The following CSGALNACT2 variants were observed in gnomAD, a reference collection of about 807,000 sequenced individuals.
CSGALNACT2 encodes the protein beta 4 GalNAcT-2.
CSGALNACT2 carries 35 observed loss-of-function variants against 55.3 expected under a neutral mutation model. The observed-to-expected ratio is 0.63, with a 90% confidence interval of 0.48 to 0.84. CSGALNACT2 has a LOEUF of 0.84. Among genes scored for constraint, CSGALNACT2 ranks in the 40% least tolerant of loss-of-function variants. CSGALNACT2 has a pLI of 0.00. For synonymous variants in CSGALNACT2, 196 were observed against 224.9 expected (o/e 0.87, Z 1.15); for missense variants, 544 against 657.5 (o/e 0.83, Z 1.89).
At chr10:43,163,535 G>A in intron 4 of CSGALNACT2, 2 of 985,434 alleles carry the variant, frequency 2.0e-6, no homozygotes, top group Non-Finnish European at 2.4e-6. Flanking sequence ...TATCCATTTA[G>A]AATGCATTAT....
chr10:43,167,180 C>A, intron 6 of CSGALNACT2, 82 bp downstream of exon 6: 4 of 859,496 alleles, frequency 4.7e-6, no homozygotes, highest in Non-Finnish European at 5.7e-6. Context: ...AACAAAGTTT[C>A]AATAAAAAAC....
intron 1 of CSGALNACT2, among the ~76,000 whole-genome samples, chr10:43,144,527 T>C (rs1838700619): frequency 6.6e-6 from 1 of 151,032 alleles, no homozygotes; most frequent in Admixed American, 6.6e-5. Context: ...AAATTCATAA[T>C]CAACAAATCT....
chr10:43,171,641 G>A (rs1196880318), intron 6 of CSGALNACT2, among the ~76,000 whole-genome samples: 1 of 152,148 alleles, frequency 6.6e-6, no homozygotes, highest in African/African-American at 2.4e-5. Context: ...ATGAGCCACC[G>A]CACCCGGCCA....
At chr10:43,142,268 G>A (rs1231533610) in intron 1 of CSGALNACT2, among the ~76,000 whole-genome samples, 1 of 151,924 alleles carries the variant, frequency 6.6e-6, no homozygotes, top group Non-Finnish European at 1.5e-5. Context: ...CTGGAGTGCA[G>A]TGGCGTGATC....
intron 7 of CSGALNACT2, 107 bp downstream of exon 7, chr10:43,176,139 C>T: frequency 1.3e-6 from 1 of 749,030 alleles, no homozygotes; most frequent in Non-Finnish European, 2.1e-6. Flanking sequence ...GTATGAGTGT[C>T]TAAGGTTAGC....
intron 6 of CSGALNACT2, among the ~76,000 whole-genome samples, chr10:43,175,708 A>G (rs776058108): frequency 1.3e-5 from 2 of 152,212 alleles, no homozygotes; most frequent in African/African-American, 2.4e-5. Flanking sequence ...CTAGAATGTA[A>G]GCCCCTTGAA....
At chr10:43,148,807 C>T (rs1238458459) in intron 1 of CSGALNACT2, among the ~76,000 whole-genome samples, 2 of 152,156 alleles carry the variant, frequency 1.3e-5, no homozygotes, top group Non-Finnish European at 2.9e-5. Context: ...TTTCTGCATA[C>T]AGATCATATC....
intron 1 of CSGALNACT2, among the ~76,000 whole-genome samples, chr10:43,153,023 C>G (rs1487052093): frequency 6.6e-6 from 1 of 152,024 alleles, no homozygotes; most frequent in African/African-American, 2.4e-5. Context: ...CTACATCACT[C>G]AAACAAGATT....
intron 1 of CSGALNACT2, among the ~76,000 whole-genome samples, chr10:43,151,915 GTTGT>G (rs1323176894): frequency 3.3e-5 from 5 of 152,316 alleles, no homozygotes; most frequent in South Asian, 4.1e-4. Context: ...GGCAGGAAAA[GTTGT>G]TTGTTTGTTT....
At chr10:43,162,887 A>G in intron 4 of CSGALNACT2, 1 of 985,396 alleles carries the variant, frequency 1.0e-6, no homozygotes, top group South Asian at 4.7e-5. Context: ...CTGCCCTAGC[A>G]GAAAAGTCCT....
At chr10:43,183,048 C>G (rs914080090) in intron 7 of CSGALNACT2, among the ~76,000 whole-genome samples, 23 of 152,144 alleles carry the variant, frequency 1.5e-4, no homozygotes, top group African/African-American at 5.3e-4. Context: ...AACAACCAAC[C>G]TTGAGCTCCT....
intron 4 of CSGALNACT2, among the ~76,000 whole-genome samples, chr10:43,161,177 T>A (rs1483863759): frequency 1.3e-5 from 2 of 152,252 alleles, no homozygotes; most frequent in Non-Finnish European, 2.9e-5. Flanking sequence ...ATTAATTCTT[T>A]AGCCTCTCAG....
rs368373201 is a variant in CSGALNACT2, at chr10:43,155,429, C to T, written c.280C>T (p.Arg94Trp). ...ATTACAAGAAATGAGTGAGAAGATGCGGTCACTGCAAGAAAGAAGGAATGT... is the reference window on the plus strand; with the variant it reads ...ATTACAAGAAATGAGTGAGAAGATGTGGTCACTGCAAGAAAGAAGGAATGT... ...QELQEMSEKM[R>W]SLQERRNVGA... Residue 94 changes from arginine to tryptophan, a missense_variant, in exon 2 of 8, where the codon CGG becomes TGG. By Grantham distance (101) the Arg-to-Trp change is moderately radical. Coordinates refer to ENST00000374466, the MANE Select transcript of CSGALNACT2 (RefSeq NM_018590.5). The T allele has an allele frequency of 4.6e-5, 74 of 1,614,112 alleles. 1 individual carries two copies. The Admixed American group carries it at 4.7e-4, about 10-fold the overall frequency.
At position 43,161,503 on chromosome 10, in the gene CSGALNACT2, T is replaced by C. The variant is rs569729242; in HGVS notation, c.980+908T>C. 5.9e-5 allele frequency among the ~76,000 whole-genome samples: 9 copies of C among 152,340 alleles called. No individual in the cohort carries two copies. The East Asian group carries it at 1.5e-3, about 26-fold the overall frequency. ...TTCTTCTCAAATCATTCAACTCACATTCATTGAGTCCTGCCTACTGTGTTC... is the reference window on the plus strand; with the variant it reads ...TTCTTCTCAAATCATTCAACTCACACTCATTGAGTCCTGCCTACTGTGTTC... On this transcript the variant is annotated intron_variant, in intron 4 of 7. Coordinates refer to ENST00000374466, the MANE Select transcript of CSGALNACT2 (RefSeq NM_018590.5).
intron 1 of CSGALNACT2, among the ~76,000 whole-genome samples, chr10:43,153,287 A>G (rs1240567385): frequency 7.4e-6 from 1 of 135,790 alleles, no homozygotes; most frequent in Non-Finnish European, 1.5e-5. Flanking sequence ...GCGAGCCAAG[A>G]TCGCGCCACT....
At chr10:43,139,770 G>T (rs1311261659) in intron 1 of CSGALNACT2, among the ~76,000 whole-genome samples, 6 of 152,220 alleles carry the variant, frequency 3.9e-5, no homozygotes, top group Non-Finnish European at 1.5e-5. Flanking sequence ...CATATTGTTT[G>T]TGGGACACAC....
chr10:43,162,947 T>C (rs1309735817), intron 4 of CSGALNACT2: 4 of 985,262 alleles, frequency 4.1e-6, no homozygotes, highest in African/African-American at 1.7e-5. Context: ...TAACCTTGCA[T>C]GGGAGGTACT....
At chr10:43,176,464 C>T (rs559877446) in intron 7 of CSGALNACT2, among the ~76,000 whole-genome samples, 2 of 152,274 alleles carry the variant, frequency 1.3e-5, no homozygotes, top group East Asian at 1.9e-4. Flanking sequence ...TGAACTGTTA[C>T]ACAAAATCCC....
In CSGALNACT2 at chr10:43,158,718, A is replaced by G. The variant is rs1447846516; in HGVS notation, c.665A>G (p.Tyr222Cys). Residue 222 changes from tyrosine to cysteine, a missense_variant, in exon 3 of 8, where the codon TAT (tyrosine) becomes TGT (cysteine). Tyr to Cys is a radical substitution (Grantham distance 194). Coordinates refer to ENST00000374466, the MANE Select transcript of CSGALNACT2 (RefSeq NM_018590.5). ...IFNENDFVEG[Y>C]YRTERDKGTQ... is the part of the protein sequence containing the mutation. ...TGTTCCTAACTCTTTCCTTTAGGTT[A>G]TTATCGCACTGAGAGAGATAAGGGC... 1.3e-6 allele frequency: 2 copies of G among 1,576,000 alleles called. No homozygotes were observed. Among genetic ancestry groups the G allele is most frequent in the East Asian group, 2.2e-5 (1 of 44,658 alleles).
Sources: gnomAD v4.1 joint callset for allele counts (sites outside exome capture counted in the v4.1 genomes callset) on GRCh38, gnomAD v4.1.1 for gene constraint, MANE v1.5 for transcripts, NCBI Gene and HGNC (gene_info 2026-07-23, HGNC 2026-07-21) for gene names.